ADGRV1: variants seen among roughly 807,000 people sequenced by gnomAD.
ADGRV1 encodes adhesion G protein-coupled receptor V1.
In ADGRV1, 359 loss-of-function variants were observed where a neutral mutation model predicts 596.2. The ratio of observed to expected loss-of-function variants is 0.60; its 90% confidence interval spans 0.55 to 0.66. ADGRV1 has a LOEUF of 0.66. Among genes scored for constraint, ADGRV1 ranks in the 30% least tolerant of loss-of-function variants. The pLI, the probability that ADGRV1 is intolerant of heterozygous loss-of-function variation, is 0.00. For synonymous variants in ADGRV1, 2,681 were observed against 2,679.2 expected (o/e 1.00, Z -0.02); for missense variants, 7,274 against 7,575.6 (o/e 0.96, Z 1.48).
intron 15 of ADGRV1, 139 bp downstream of exon 15, chr5:90,645,008 A>G: frequency 1.6e-6 from 1 of 632,096 alleles, no homozygotes; most frequent in South Asian, 2.7e-5. Flanking sequence ...GTGTCTGACC[A>G]TAAACCAGAA....
At position 90,684,360 on chromosome 5, in the gene ADGRV1, A is replaced by T. The variant is rs192921027; in HGVS notation, c.6274+165A>T. Among the ~76,000 whole-genome samples the T allele has an allele frequency of 2.0e-3, 312 of 152,246 alleles. 2 individuals are homozygous for T. Among genetic ancestry groups the T allele is most frequent in the African/African-American group, 7.1e-3 (295 of 41,542 alleles). On this transcript the variant is annotated intron_variant, in intron 28 of 89. Coordinates refer to ENST00000405460, the MANE Select transcript of ADGRV1 (RefSeq NM_032119.4). ...TGTAAGGTAACTGGAAGCCAGACAC[A>T]TTTTTTTCTTAGAAATTATGTTTTA...
At chr5:90,985,672 A>G in intron 85 of ADGRV1, 150 bp downstream of exon 85, 1 of 565,378 alleles carries the variant, frequency 1.8e-6, no homozygotes, top group Non-Finnish European at 3.0e-6. Context: ...TACTCTTTTA[A>G]ATAGGAAGCT....
At chr5:90,747,495 G>T (rs973618371) in intron 52 of ADGRV1, among the ~76,000 whole-genome samples, 2 of 152,112 alleles carry the variant, frequency 1.3e-5, no homozygotes, top group African/African-American at 4.8e-5. Context: ...TCCAGAGGAA[G>T]CCAGGGCAAG....
intron 75 of ADGRV1, among the ~76,000 whole-genome samples, chr5:90,817,379 T>C (rs1763006088): frequency 6.6e-6 from 1 of 151,460 alleles, no homozygotes; most frequent in African/African-American, 2.4e-5. Context: ...TTCACTCTGA[T>C]GGTAGTTTCT....
chr5:90,973,349 T>A (rs7704311), intron 84 of ADGRV1, among the ~76,000 whole-genome samples: 74,718 of 152,068 alleles, frequency 0.49, 19,725 homozygotes, highest in East Asian at 0.68. Context: ...CTAACTCATT[T>A]TATGAGGCCA....
chr5:90,625,156 T>C lies in ADGRV1; in HGVS notation c.585T>C (p.Asp195=). ...TAGAGGGTGGCCCAAATCCCCCTGA[T>C]GAAGATTTGAGTCCAGTTAAAGGAA... The part of the protein sequence containing the change: ...FEVEGGPNPP[D]EDLSPVKGNI... The change falls in exon 6 of 90, where the codon GAT becomes GAC. Residue 195 remains aspartate, a synonymous_variant. Transcript: ENST00000405460. The C allele has an allele frequency of 6.2e-7, 1 of 1,612,550 alleles. No homozygotes were observed. Among genetic ancestry groups the C allele is most frequent in the East Asian group, 2.2e-5 (1 of 44,848 alleles).
intron 72 of ADGRV1, 58 bp downstream of exon 72, chr5:90,805,516 C>T (rs1341992245): frequency 1.5e-6 from 2 of 1,368,522 alleles, no homozygotes; most frequent in African/African-American, 2.9e-5. Context: ...TATCACTGGC[C>T]ACTAATTGTC....
chr5:90,730,215 A>G (rs572045780), intron 50 of ADGRV1, among the ~76,000 whole-genome samples: 1 of 152,250 alleles, frequency 6.6e-6, no homozygotes, highest in East Asian at 1.9e-4. Flanking sequence ...TCCTTCCAGA[A>G]ATCCTATAAT....
chr5:90,568,884 A>G (rs1049864315), intron 1 of ADGRV1, among the ~76,000 whole-genome samples: 19 of 152,174 alleles, frequency 1.2e-4, no homozygotes, highest in African/African-American at 4.3e-4. Flanking sequence ...GTCTGTAGCA[A>G]CATTTTCTGT....
In ADGRV1 at chr5:91,022,173, A is replaced by G. The variant is rs1392518507; in HGVS notation, c.18152+36651A>G. ...ATTTTGAACTAGTTAAAATAGCATA[A>G]TCATTATCTTTTTTCTAGCTTTATC... On this transcript the variant is annotated intron_variant, in intron 85 of 89. Coordinates refer to ENST00000405460, the MANE Select transcript of ADGRV1 (RefSeq NM_032119.4). Among the ~76,000 whole-genome samples, 4 of 152,228 alleles carry G rather than the reference A, an allele frequency of 2.6e-5. No individual in the cohort carries two copies. The East Asian group carries it at 7.7e-4, about 29-fold the overall frequency.
chr5:90,587,327 T>C (rs1053377389), intron 1 of ADGRV1, among the ~76,000 whole-genome samples: 3 of 152,084 alleles, frequency 2.0e-5, no homozygotes, highest in African/African-American at 7.2e-5. Flanking sequence ...GCTGCTTCCT[T>C]GTAGTGGGGA....
chr5:90,755,235 T>A, intron 55 of ADGRV1, 50 bp downstream of exon 55: 2 of 1,233,906 alleles, frequency 1.6e-6, no homozygotes, highest in South Asian at 1.5e-5. Flanking sequence ...AAAATTCTCT[T>A]AAGTAAAATT....
rs779319232 is a variant in ADGRV1 at position 91,072,462 on chromosome 5, C to T, written c.18168C>T (p.Asn6056=). The T allele has an allele frequency of 4.3e-5, 70 of 1,613,534 alleles. No individual in the cohort carries two copies. The highest frequency in any genetic ancestry group is 3.1e-4 in the East Asian group (14 of 44,896). ...TCTCTTCCAGGTGTTTTATTCCAAACGTCTATGCTGCTTTGTTCACTGCAG... is the reference window on the plus strand; with the variant it reads ...TCTCTTCCAGGTGTTTTATTCCAAATGTCTATGCTGCTTTGTTCACTGCAG... The part of the protein sequence containing the change: ...LIHGDLCFIP[N]VYAALFTAAL... The change falls in exon 86 of 90, where the codon AAC becomes AAT. Residue 6056 remains asparagine (N), a synonymous_variant. Transcript: ENST00000405460.
chr5:90,774,012 A>G (rs544850029), intron 59 of ADGRV1, among the ~76,000 whole-genome samples, 174 bp from the exon 60 acceptor site: 44 of 152,338 alleles, frequency 2.9e-4, no homozygotes, highest in Non-Finnish European at 2.8e-4. Context: ...TGGAATTTGT[A>G]TTCAGAACTG....
chr5:90,772,388 A>T (rs1478228800), intron 59 of ADGRV1, among the ~76,000 whole-genome samples: 1 of 152,044 alleles, frequency 6.6e-6, no homozygotes, highest in Non-Finnish European at 1.5e-5. Flanking sequence ...TCCATTTATT[A>T]TCACTTTTTT....
At chr5:90,657,222 G>A (rs1280413599) in intron 20 of ADGRV1, among the ~76,000 whole-genome samples, 1 of 150,860 alleles carries the variant, frequency 6.6e-6, no homozygotes, top group African/African-American at 2.4e-5. Context: ...AGGAGTTTGA[G>A]ACCAGCCTGG....
At chr5:90,970,298 G>A (rs1171669621) in intron 84 of ADGRV1, among the ~76,000 whole-genome samples, 2 of 152,182 alleles carry the variant, frequency 1.3e-5, no homozygotes, top group African/African-American at 2.4e-5. Context: ...ACCTCTGGGG[G>A]CAGGGCATAG....
At chr5:90,735,882 C>G (rs1244793834) in intron 50 of ADGRV1, among the ~76,000 whole-genome samples, 1 of 152,020 alleles carries the variant, frequency 6.6e-6, no homozygotes, top group Non-Finnish European at 1.5e-5. Flanking sequence ...TTAATGCAAA[C>G]TTTAGGGTTT....
chr5:90,599,025 A>AAG (rs1761067313), intron 1 of ADGRV1, among the ~76,000 whole-genome samples: 1 of 152,208 alleles, frequency 6.6e-6, no homozygotes, highest in African/African-American at 2.4e-5. Flanking sequence ...ATGAGAAAAG[A>AAG]AGAGAAACAT....
Sources: allele counts gnomAD v4.1 joint callset (sites outside exome capture counted in the v4.1 genomes callset), GRCh38; gene constraint gnomAD v4.1.1; transcripts MANE v1.5; gene names NCBI Gene and HGNC (gene_info 2026-07-23, HGNC 2026-07-21).